Variants in DMD observed in about 807,000 individuals in gnomAD.
DMD encodes mutant dystrophin.
Under a neutral mutation model 330.1 loss-of-function variants are expected in DMD, and 63 were observed. The ratio of observed to expected loss-of-function variants is 0.19; its 90% CI spans 0.16 to 0.24. The LOEUF (loss-of-function observed/expected upper bound fraction) is 0.24. Among genes scored for constraint, DMD ranks in the 10% least tolerant of loss-of-function variants. The probability of loss-of-function intolerance (pLI) is 1.00; values close to 1 mark genes in which losing one functional copy is unlikely to be tolerated. For synonymous variants in DMD, 1,223 were observed against 959.8 expected (o/e 1.27, Z -5.07); for missense variants, 3,344 against 2,684.1 (o/e 1.25, Z -5.43).
intron 44 of DMD, among the ~76,000 whole-genome samples, chrX:32,150,756 T>C (rs954078493): frequency 8.9e-6 from 1 of 111,821 alleles, no homozygotes; most frequent in African/African-American, 3.3e-5. Context: ...TCAAAATTAT[T>C]AGTGAGAGCA....
At chrX:31,555,026 A>T (rs373296361) in intron 55 of DMD, among the ~76,000 whole-genome samples, 6 of 111,986 alleles carry the variant, frequency 5.4e-5, no homozygotes, top group African/African-American at 1.9e-4. Flanking sequence ...GGAGGGCCAG[A>T]AGCAAGAAAC....
intron 44 of DMD, among the ~76,000 whole-genome samples, chrX:32,018,921 T>C (rs948888027): frequency 1.8e-5 from 2 of 111,720 alleles, no homozygotes; most frequent in East Asian, 2.8e-4. Flanking sequence ...TACTTCACAA[T>C]AGGTCTCAGT....
chrX:31,598,387 T>C (rs1189356368), intron 55 of DMD, among the ~76,000 whole-genome samples: 1 of 111,543 alleles, frequency 9.0e-6, no homozygotes, highest in Non-Finnish European at 1.9e-5. Flanking sequence ...GCCTCCCAAA[T>C]TGCTGGGATT....
intron 1 of DMD, among the ~76,000 whole-genome samples, chrX:33,298,960 T>C (rs915884165): frequency 4.5e-5 from 5 of 111,650 alleles, no homozygotes; most frequent in African/African-American, 1.6e-4. Flanking sequence ...GGAACAGCTA[T>C]CAAGAGTCTT....
At chrX:31,266,012 A>G (rs1243738615) in intron 62 of DMD, among the ~76,000 whole-genome samples, 5 of 108,594 alleles carry the variant, frequency 4.6e-5, no homozygotes, top group African/African-American at 1.7e-4. Flanking sequence ...CTTAACTTCA[A>G]ATTTGACTAA....
Position 32,680,483 on chromosome X carries a change from CT to C in DMD, c.960+17386del, listed in dbSNP as rs760886211. ...AAGGCTGTCTATAAATCTTAATCTACTTTTGTACACTACTAAAATTTCCTCT... is the reference window on the plus strand; with the variant it reads ...AAGGCTGTCTATAAATCTTAATCTACTTTGTACACTACTAAAATTTCCTCT... On this transcript the variant is annotated intron_variant, in intron 9 of 78. Transcript: ENST00000357033. Among the ~76,000 whole-genome samples the C allele has an allele frequency of 2.7e-5, 3 of 110,851 alleles. No homozygotes were observed. The Admixed American group carries it at 2.9e-4, about 11-fold the overall frequency.
chrX:31,526,395 A>G, intron 55 of DMD, among the ~76,000 whole-genome samples: 1 of 111,988 alleles, frequency 8.9e-6, no homozygotes, highest in Middle Eastern at 4.6e-3. Context: ...CTCTAACCAA[A>G]AATCACTTGC....
At chrX:32,093,807 T>C (rs1162317433) in intron 44 of DMD, among the ~76,000 whole-genome samples, 1 of 111,215 alleles carries the variant, frequency 9.0e-6, no homozygotes, top group Non-Finnish European at 1.9e-5. Flanking sequence ...AAATTCTCTA[T>C]ATTTCACAGA....
chrX:32,392,525 G>T (rs1326762456), intron 30 of DMD, among the ~76,000 whole-genome samples: 1 of 111,473 alleles, frequency 9.0e-6, no homozygotes, highest in Non-Finnish European at 1.9e-5. Flanking sequence ...TTCCCAAAGT[G>T]CTGGGATTAC....
intron 59 of DMD, among the ~76,000 whole-genome samples, chrX:31,475,567 A>T (rs1274685897): frequency 8.9e-6 from 1 of 111,852 alleles, no homozygotes; most frequent in Non-Finnish European, 1.9e-5. Flanking sequence ...TTCCTAACTT[A>T]TTTCTCATTT....
At chrX:32,235,072 G>T (rs1249108174) in intron 43 of DMD, among the ~76,000 whole-genome samples, 1 of 111,165 alleles carries the variant, frequency 9.0e-6, no homozygotes, top group Non-Finnish European at 1.9e-5. Context: ...TGATTCAAGT[G>T]CATTACAGTT....
chrX:32,901,701 T>A (rs1339568892), intron 2 of DMD, among the ~76,000 whole-genome samples: 1 of 111,124 alleles, frequency 9.0e-6, no homozygotes, highest in African/African-American at 3.3e-5. Context: ...GTAGCACTAC[T>A]AATAATATTA....
At chrX:32,576,801 A>G (rs975860749) in intron 13 of DMD, among the ~76,000 whole-genome samples, 1 of 110,632 alleles carries the variant, frequency 9.0e-6, no homozygotes, top group African/African-American at 3.3e-5. Context: ...CCTATTTAAC[A>G]TAACTATTTA....
chrX:31,377,880 C>T (rs975481695), intron 60 of DMD, among the ~76,000 whole-genome samples: 3 of 111,131 alleles, frequency 2.7e-5, no homozygotes, highest in Non-Finnish European at 5.7e-5. Context: ...TGAAAATGGC[C>T]GGTCCTTGCC....
chrX:31,728,950 G>A (rs2086289200), intron 52 of DMD, among the ~76,000 whole-genome samples: 1 of 110,981 alleles, frequency 9.0e-6, no homozygotes, highest in South Asian at 3.9e-4. Flanking sequence ...GGGAAACCGG[G>A]TGGCGAGTTT....
At chrX:32,829,806 C>T (rs1426705356) in intron 4 of DMD, among the ~76,000 whole-genome samples, 1 of 111,385 alleles carries the variant, frequency 9.0e-6, no homozygotes, top group African/African-American at 3.3e-5. Context: ...AAGAGGGAAA[C>T]AGAGTATCAA....
intron 1 of DMD, among the ~76,000 whole-genome samples, chrX:33,090,047 G>A: frequency 9.0e-6 from 1 of 111,512 alleles, no homozygotes; most frequent in East Asian, 2.8e-4. Context: ...ATCTTCCATA[G>A]ATGTAAACTT....
chrX:32,318,851 A>T (rs2097595405), intron 41 of DMD, among the ~76,000 whole-genome samples: 1 of 111,565 alleles, frequency 9.0e-6, no homozygotes, highest in Admixed American at 9.6e-5. Flanking sequence ...TATGCAGATG[A>T]TGCTGGATTT....
chrX:31,679,349 T>G (rs771610117), intron 53 of DMD, 26 bp downstream of exon 53: 1 of 1,115,008 alleles, frequency 9.0e-7, no homozygotes, highest in East Asian at 3.2e-5. Flanking sequence ...AGTATTTTAT[T>G]TTAAAAAGGT....
Sources: gnomAD v4.1 joint callset for allele counts (sites outside exome capture counted in the v4.1 genomes callset) on GRCh38, gnomAD v4.1.1 for gene constraint, MANE v1.5 for transcripts, NCBI Gene and HGNC (gene_info 2026-07-23, HGNC 2026-07-21) for gene names.